Variants in PLCB4 observed in about 807,000 individuals in gnomAD.
The protein encoded by PLCB4 is phospholipase C beta 4.
PLCB4 carries 77 observed loss-of-function variants against 178.8 expected under a neutral mutation model. The observed-to-expected ratio is 0.43, with a 90% CI of 0.36 to 0.52. The LOEUF (loss-of-function observed/expected upper bound fraction) is 0.52, where lower values mean the gene tolerates loss of function less well. PLCB4 is among the 20% of genes least tolerant of loss of function. PLCB4 has a pLI of 0.00. For synonymous variants in PLCB4, 496 were observed against 490.8 expected, an observed-to-expected ratio of 1.01 and a Z score of -0.14; for missense variants, 1,024 against 1,453.4, an observed-to-expected ratio of 0.70 and a Z score of 4.80.
At chr20:9,125,571 A>G (rs902063436) in intron 2 of PLCB4, among the ~76,000 whole-genome samples, 3 of 152,218 alleles carry the variant, frequency 2.0e-5, no homozygotes, top group African/African-American at 7.2e-5. Context: ...GAATCTCTTT[A>G]TATATGTATA....
intron 2 of PLCB4, among the ~76,000 whole-genome samples, chr20:9,153,211 T>TG (rs1218943974): frequency 6.6e-6 from 1 of 152,096 alleles, no homozygotes; most frequent in African/African-American, 2.4e-5. Context: ...GTTAAGACTT[T>TG]GGGGGGCTGT....
chr20:9,227,177 C>CTTT (rs373496749), intron 3 of PLCB4, among the ~76,000 whole-genome samples: 26 of 144,852 alleles, frequency 1.8e-4, no homozygotes, highest in African/African-American at 5.8e-4. Flanking sequence ...CATTGTAAGA[C>CTTT]TTTTTTTTTT....
chr20:9,225,251 A>G (rs1387352007), intron 3 of PLCB4, among the ~76,000 whole-genome samples: 1 of 152,230 alleles, frequency 6.6e-6, no homozygotes, highest in Non-Finnish European at 1.5e-5. Flanking sequence ...AACTTTGTAA[A>G]AGAAAAAGTT....
chr20:9,273,272 ACTT>A lies in PLCB4; in HGVS notation c.-15-34522_-15-34520del, dbSNP rs535850031. Among the ~76,000 whole-genome samples the A allele has an allele frequency of 5.3e-4, 81 of 152,264 alleles. 2 individuals carry two copies. The highest frequency in any genetic ancestry group is 2.9e-3 in the South Asian group (14 of 4,820). On this transcript the variant is annotated intron_variant, in intron 3 of 39. Transcript: ENST00000378473. ...TATCGAGCAACAATGAAACGTCAGA[ACTT>A]CTTCTAAGTCATTTCAATATTAACG...
chr20:9,392,689 A>G (rs552214756), intron 17 of PLCB4, among the ~76,000 whole-genome samples: 29 of 152,286 alleles, frequency 1.9e-4, no homozygotes, highest in African/African-American at 6.7e-4. Context: ...CATAACTAGA[A>G]AAGAAGATGG....
At chr20:9,254,238 A>T (rs1418111643) in intron 3 of PLCB4, among the ~76,000 whole-genome samples, 1 of 152,218 alleles carries the variant, frequency 6.6e-6, no homozygotes, top group Non-Finnish European at 1.5e-5. Context: ...TTATTTGAAG[A>T]CTGAGCACTT....
intron 3 of PLCB4, among the ~76,000 whole-genome samples, chr20:9,219,145 A>C (rs756970208): frequency 6.6e-5 from 10 of 152,226 alleles, no homozygotes; most frequent in Non-Finnish European, 1.5e-4. Context: ...ATTCCTCTAC[A>C]TTAAGGAGTG....
intron 7 of PLCB4, among the ~76,000 whole-genome samples, chr20:9,358,779 A>G (rs1400543392): frequency 6.6e-6 from 1 of 152,108 alleles, no homozygotes. Flanking sequence ...GGCACCCACA[A>G]TCCCATCTAC....
chr20:9,168,808 G>A (rs2093015738), intron 2 of PLCB4, among the ~76,000 whole-genome samples: 1 of 152,176 alleles, frequency 6.6e-6, no homozygotes, highest in African/African-American at 2.4e-5. Context: ...AACTGATGAT[G>A]TGTGGCTTGT....
intron 2 of PLCB4, among the ~76,000 whole-genome samples, chr20:9,165,131 A>G (rs1161437273): frequency 3.3e-5 from 5 of 152,214 alleles, no homozygotes; most frequent in African/African-American, 1.2e-4. Flanking sequence ...GGATGGCCAC[A>G]GTACAGGCAC....
intron 4 of PLCB4, among the ~76,000 whole-genome samples, chr20:9,308,104 A>T (rs1357406267): frequency 6.6e-6 from 1 of 152,108 alleles, no homozygotes; most frequent in Non-Finnish European, 1.5e-5. Flanking sequence ...GTGCCAGATG[A>T]CCTTCTAAAC....
intron 28 of PLCB4, among the ~76,000 whole-genome samples, chr20:9,426,353 T>C (rs1185672199): frequency 6.6e-6 from 1 of 152,162 alleles, no homozygotes; most frequent in African/African-American, 2.4e-5. Context: ...AGCTATTGTT[T>C]ACTTCCAGTC....
At chr20:9,311,897 T>C (rs991610547) in intron 4 of PLCB4, among the ~76,000 whole-genome samples, 4 of 152,206 alleles carry the variant, frequency 2.6e-5, no homozygotes, top group South Asian at 2.1e-4. Context: ...GGCAGCCACA[T>C]GTGGCTGTTC....
chr20:9,091,676 T>C (rs2090684711), intron 1 of PLCB4, among the ~76,000 whole-genome samples: 1 of 150,798 alleles, frequency 6.6e-6, no homozygotes, highest in African/African-American at 2.4e-5. Flanking sequence ...AAATACTAGA[T>C]GCAAAGTGCC....
chr20:9,277,734 C>G (rs574932295), intron 3 of PLCB4, among the ~76,000 whole-genome samples: 5 of 151,752 alleles, frequency 3.3e-5, no homozygotes, highest in African/African-American at 1.2e-4. Flanking sequence ...ACATAATGAC[C>G]GAGGGTACCC....
chr20:9,100,517 AG>A (rs1232762219), intron 2 of PLCB4, among the ~76,000 whole-genome samples: 1 of 152,180 alleles, frequency 6.6e-6, no homozygotes, highest in Non-Finnish European at 1.5e-5. Flanking sequence ...CTGTAACACA[AG>A]GAAGATATGC....
In PLCB4 at chr20:9,437,043, CAAGA is replaced by C; in HGVS notation, c.2659_2662del (p.Lys887GlufsTer10). The C allele has an allele frequency of 1.2e-6, 2 of 1,613,940 alleles. No individual in the cohort carries two copies. The highest frequency in any genetic ancestry group is 1.7e-6 in the Non-Finnish European group (2 of 1,179,934). On this transcript the variant is annotated frameshift_variant, in exon 30 of 40. Coordinates refer to ENST00000378473, the MANE Select transcript of PLCB4 (RefSeq NM_001377142.1). LOFTEE classifies it high-confidence loss of function. The stretch of plus-strand genomic sequence containing the variant: ...TGCCCAGTGACACTTCCAAAAATGA[CAAGA>C]AAGGAAAGGCCAACACCGCCAAAGC...
intron 25 of PLCB4, among the ~76,000 whole-genome samples, chr20:9,413,403 G>A (rs528746786): frequency 4.3e-4 from 65 of 152,128 alleles, no homozygotes; most frequent in African/African-American, 1.6e-3. Flanking sequence ...CTCACACCTG[G>A]AATCCCAGCA....
chr20:9,136,659 A>G (rs2146845511), intron 2 of PLCB4, among the ~76,000 whole-genome samples: 1 of 152,234 alleles, frequency 6.6e-6, no homozygotes, highest in East Asian at 1.9e-4. Context: ...GTGCACTCAG[A>G]AAGAATTGCA....
Sources: allele counts gnomAD v4.1 joint callset (sites outside exome capture counted in the v4.1 genomes callset), GRCh38; gene constraint gnomAD v4.1.1; transcripts MANE v1.5; gene names NCBI Gene and HGNC (gene_info 2026-07-23, HGNC 2026-07-21).